The following RUNX1T1 variants were observed in gnomAD, a reference collection of about 807,000 sequenced individuals.
RUNX1T1 encodes the protein protein CBFA2T1.
RUNX1T1 carries 4 observed loss-of-function variants against 62.8 expected under a neutral mutation model. The ratio of observed to expected loss-of-function variants is 0.06; its 90% CI spans 0.03 to 0.15. The LOEUF is 0.15. Ranked by LOEUF, RUNX1T1 falls within the 10% of genes least tolerant of loss-of-function variation. The pLI is 1.00. For missense variants in RUNX1T1, 508 were observed against 754.3 expected, an observed-to-expected ratio of 0.67 and a Z score of 3.82; for synonymous variants, 291 against 286.0, an observed-to-expected ratio of 1.02 and a Z score of -0.18.
chr8:91,959,827 C>T (rs1459272142), exon 11 of RUNX1T1: 3 of 267,286 alleles, frequency 1.1e-5, no homozygotes, highest in Non-Finnish European at 2.2e-5. Flanking sequence ...ATATAAAGAA[C>T]ATTGTGACTT....
At chr8:92,052,834 A>G (rs1318757171) in intron 1 of RUNX1T1, among the ~76,000 whole-genome samples, 2 of 152,176 alleles carry the variant, frequency 1.3e-5, no homozygotes, top group Admixed American at 1.3e-4. Context: ...ACCATCCTGT[A>G]CCATGCTTCC....
intron 1 of RUNX1T1, among the ~76,000 whole-genome samples, chr8:92,079,770 G>C (rs1432210868): frequency 6.6e-6 from 1 of 151,998 alleles, no homozygotes; most frequent in Admixed American, 6.6e-5. Context: ...CTCCAACCAC[G>C]CCCTTCCAGA....
At chr8:92,024,497 C>CA (rs34547904) in intron 1 of RUNX1T1, among the ~76,000 whole-genome samples, 1,474 of 17,492 alleles carry the variant, frequency 0.084, 279 homozygotes, top group African/African-American at 0.17. Context: ...AACCCCAACT[C>CA]AAAAAAAAAA....
downstream of RUNX1T1, chr8:91,957,827 T>C: frequency 4.5e-6 from 1 of 224,320 alleles, no homozygotes; most frequent in East Asian, 6.4e-5. Flanking sequence ...TGCTTTCATT[T>C]CACTTTAAGC....
chr8:91,960,860 T>A lies in RUNX1T1; in HGVS notation c.1459-343A>T, dbSNP rs1337085397. ...CTGACTAGCAATTACTATTTCCAAA[T>A]CTTTTCCCAATACCTATACCACAAT... On this transcript the variant is annotated intron_variant, in intron 10 of 10. Coordinates refer to ENST00000396218, the Ensembl canonical transcript of RUNX1T1. Among the ~76,000 whole-genome samples, 3 of 152,222 alleles carry A rather than the reference T, an allele frequency of 2.0e-5. No homozygotes were observed. In the East Asian group the frequency reaches 5.8e-4, roughly 29 times the overall value.
intron 7 of RUNX1T1, 108 bp downstream of exon 8, chr8:91,986,779 G>C (rs953315598): frequency 5.4e-6 from 4 of 743,062 alleles, no homozygotes; most frequent in Non-Finnish European, 9.5e-6. Context: ...AAGGATAGCA[G>C]GAAAAACAAT....
At chr8:92,029,104 G>A (rs952874899) in intron 1 of RUNX1T1, among the ~76,000 whole-genome samples, 7 of 152,158 alleles carry the variant, frequency 4.6e-5, no homozygotes, top group Admixed American at 1.3e-4. Context: ...AAGGTGCCCA[G>A]GGTATGTACC....
chr8:92,054,502 C>T (rs148085856), intron 1 of RUNX1T1, among the ~76,000 whole-genome samples: 3 of 152,226 alleles, frequency 2.0e-5, no homozygotes, highest in African/African-American at 4.8e-5. Context: ...TATTGCCATC[C>T]TGTGAAAGTT....
chr8:92,016,837 C>G (rs1174209747), intron 2 of RUNX1T1, among the ~76,000 whole-genome samples: 1 of 152,046 alleles, frequency 6.6e-6, no homozygotes. Context: ...GAAGAAGTAA[C>G]CTAGAAATAA....
intron 1 of RUNX1T1, 58 bp from the exon 3 acceptor site, chr8:92,017,421 G>A: frequency 6.2e-7 from 1 of 1,613,288 alleles, no homozygotes; most frequent in Non-Finnish European, 8.5e-7. Flanking sequence ...AGTTTTTCAA[G>A]TGGGGTTTAT....
exon 1 of RUNX1T1, chr8:92,099,591 C>G (rs1304734155): frequency 1.0e-6 from 1 of 983,758 alleles, no homozygotes; most frequent in Non-Finnish European, 1.2e-6. Context: ...GTAATAGACT[C>G]CGGCAAAATG....
chr8:92,039,981 G>A (rs529738418), intron 1 of RUNX1T1, among the ~76,000 whole-genome samples: 3 of 152,174 alleles, frequency 2.0e-5, no homozygotes, highest in Admixed American at 6.5e-5. Flanking sequence ...TGATGTTAAC[G>A]TTCAAACCCA....
At chr8:92,023,268 T>G (rs986275972) in intron 1 of RUNX1T1, among the ~76,000 whole-genome samples, 1 of 152,190 alleles carries the variant, frequency 6.6e-6, no homozygotes, top group Non-Finnish European at 1.5e-5. Flanking sequence ...TTAAGCATAT[T>G]AGGTTGTATT....
intron 1 of RUNX1T1, among the ~76,000 whole-genome samples, chr8:92,029,375 A>C (rs1386354076): frequency 6.6e-6 from 1 of 152,214 alleles, no homozygotes; most frequent in Non-Finnish European, 1.5e-5. Flanking sequence ...GAACACAGGC[A>C]TTCAGTATGG....
chr8:92,103,045 G>A, upstream of RUNX1T1: 1 of 619,446 alleles, frequency 1.6e-6, no homozygotes, highest in Non-Finnish European at 2.4e-6. Context: ...GCGCCGCGGA[G>A]CGACTACGGC....
At chr8:92,093,365 G>C (rs889901312) in intron 1 of RUNX1T1, among the ~76,000 whole-genome samples, 2 of 150,970 alleles carry the variant, frequency 1.3e-5, no homozygotes, top group Non-Finnish European at 2.9e-5. Flanking sequence ...CTCAATGTCT[G>C]CCTAATGCTT....
At chr8:92,031,609 C>A (rs1287934389) in intron 1 of RUNX1T1, among the ~76,000 whole-genome samples, 1 of 152,122 alleles carries the variant, frequency 6.6e-6, no homozygotes, top group Non-Finnish European at 1.5e-5. Context: ...GCTGGGACTA[C>A]AGGTGCATAT....
intron 5 of RUNX1T1, chr8:92,003,269 C>T: frequency 2.3e-6 from 1 of 431,522 alleles, no homozygotes; most frequent in Non-Finnish European, 4.7e-6. Context: ...ATGAAGTTTT[C>T]ATATCAGTGT....
rs138291570 is a variant in RUNX1T1 at position 92,017,935 on chromosome 8, G to C, written c.8-572C>G. Among the ~76,000 whole-genome samples the C allele has an allele frequency of 1.6e-4, 24 of 152,236 alleles. No individual in the cohort carries two copies. In the East Asian group the frequency reaches 4.6e-3, roughly 29 times the overall value. Reference sequence around the variant, plus strand: ...CTGTTTTAAAAATCACTGCTACATAGGTGAAATGTGTTATACAATGAAGTG... The same window carrying C: ...CTGTTTTAAAAATCACTGCTACATACGTGAAATGTGTTATACAATGAAGTG... On this transcript the variant is annotated intron_variant, in intron 1 of 10. Coordinates refer to ENST00000396218, the Ensembl canonical transcript of RUNX1T1.
Sources: gnomAD v4.1 joint callset for allele counts (sites outside exome capture counted in the v4.1 genomes callset) on GRCh38, gnomAD v4.1.1 for gene constraint, MANE v1.5 for transcripts, NCBI Gene and HGNC (gene_info 2026-07-23, HGNC 2026-07-21) for gene names.